Variants in MEI4 observed in about 807,000 individuals in gnomAD.
The protein encoded by MEI4 is meiotic double-stranded break formation protein 4, also known as meiosis-specific protein MEI4.
A neutral mutation model predicts 31.4 loss-of-function variants in MEI4; 27 were observed. The observed-to-expected ratio is 0.86, with a 90% CI of 0.63 to 1.19. The LOEUF (loss-of-function observed/expected upper bound fraction) is 1.19, where lower values mean the gene tolerates loss of function less well. Ranked by LOEUF, MEI4 falls within the 50% of genes most tolerant of loss-of-function variation. The probability of loss-of-function intolerance (pLI) is 0.00; values close to 1 mark genes in which losing one functional copy is unlikely to be tolerated. For missense variants in MEI4, 329 were observed against 398.9 expected, an observed-to-expected ratio of 0.82 and a Z score of 1.49; for synonymous variants, 122 against 145.4, an observed-to-expected ratio of 0.84 and a Z score of 1.16.
chr6:77,806,870 T>C (rs569526406), intron 3 of MEI4, among the ~76,000 whole-genome samples: 1 of 152,234 alleles, frequency 6.6e-6, no homozygotes, highest in East Asian at 1.9e-4. Context: ...TCTACACCCA[T>C]GTGTTTATGT....
intron 2 of MEI4, among the ~76,000 whole-genome samples, chr6:77,694,493 A>G (rs980620316): frequency 2.1e-5 from 3 of 144,838 alleles, no homozygotes; most frequent in African/African-American, 2.6e-5. Flanking sequence ...ATTCCCACCT[A>G]TGAGTGAGAA....
At chr6:77,773,899 G>A (rs1049860257) in intron 3 of MEI4, among the ~76,000 whole-genome samples, 4 of 151,902 alleles carry the variant, frequency 2.6e-5, no homozygotes, top group African/African-American at 9.7e-5. Context: ...ATGGCAAACA[G>A]GTATATGAAA....
intron 3 of MEI4, among the ~76,000 whole-genome samples, chr6:77,828,494 G>A (rs1770006844): frequency 6.6e-6 from 1 of 152,004 alleles, no homozygotes. Context: ...ATCTCAAAAT[G>A]ATCCACCCTG....
intron 2 of MEI4, among the ~76,000 whole-genome samples, chr6:77,702,403 C>A (rs1766246294): frequency 6.6e-6 from 1 of 152,180 alleles, no homozygotes; most frequent in South Asian, 2.1e-4. Context: ...TTGTCTAATA[C>A]AATAATGATG....
rs1766783170 is a variant in MEI4, at chr6:77,924,051, C to CAATT, written c.*708_*711dup. On this transcript the variant is annotated 3_prime_UTR_variant, in exon 5 of 5. Transcript: ENST00000684080. ...AGTCTTGTAATTGTTAAATAGTATACAATTAAGTCACTAGACATATTTTAT... is the reference window on the plus strand; with the variant it reads ...AGTCTTGTAATTGTTAAATAGTATACAATTAATTAAGTCACTAGACATATTTTAT... The CAATT allele has an allele frequency of 6.6e-6, 1 of 151,624 alleles. No individual in the cohort carries two copies. The highest frequency in any genetic ancestry group is 2.1e-4 in the South Asian group (1 of 4,810). 9.4% of individuals were successfully genotyped at this position (151,624 alleles called of 1,614,324 possible). A position where few individuals can be genotyped will look rare whatever the true frequency, so the allele number is the denominator to read the frequency against.
At chr6:77,822,664 G>C (rs1769855547) in intron 3 of MEI4, among the ~76,000 whole-genome samples, 1 of 140,654 alleles carries the variant, frequency 7.1e-6, no homozygotes, top group South Asian at 2.6e-4. Flanking sequence ...ATGTCACCCA[G>C]GCTAGAGTCC....
At position 77,901,629 on chromosome 6, in the gene MEI4, A is replaced by G. The variant is rs79264592; in HGVS notation, c.901-21460A>G. On this transcript the variant is annotated intron_variant, in intron 4 of 4. Coordinates refer to ENST00000684080, the MANE Select transcript of MEI4 (RefSeq NM_001322247.2). ...TTAATATTAGCCCTTTATCAGGTAT[A>G]TGATTTGAATATATATTCTCCCATT... 8.9e-3 allele frequency among the ~76,000 whole-genome samples: 1,349 copies of G among 152,142 alleles called. 25 individuals carry two copies. The highest frequency in any genetic ancestry group is 0.03 in the African/African-American group (1,263 of 41,544).
At chr6:77,807,423 A>T (rs889327121) in intron 3 of MEI4, among the ~76,000 whole-genome samples, 3 of 152,124 alleles carry the variant, frequency 2.0e-5, no homozygotes, top group Admixed American at 2.0e-4. Context: ...GGGAATTTTT[A>T]AACATTTACA....
At chr6:77,772,731 G>A (rs949052138) in intron 3 of MEI4, among the ~76,000 whole-genome samples, 2 of 151,934 alleles carry the variant, frequency 1.3e-5, no homozygotes, top group African/African-American at 4.8e-5. Context: ...GAGAAATAAA[G>A]TGCATTCAGA....
intron 3 of MEI4, among the ~76,000 whole-genome samples, chr6:77,813,961 T>G (rs995000058): frequency 1.1e-4 from 16 of 152,084 alleles, no homozygotes; most frequent in African/African-American, 3.6e-4. Context: ...GACAAGAGAA[T>G]CTCTTTCCTT....
intron 2 of MEI4, among the ~76,000 whole-genome samples, chr6:77,756,743 A>AT (rs1767929445): frequency 6.7e-6 from 1 of 148,916 alleles, no homozygotes. Context: ...TATCTATGTA[A>AT]TTGTTGTGGT....
intron 2 of MEI4, among the ~76,000 whole-genome samples, chr6:77,740,155 G>A (rs557392790): frequency 1.2e-4 from 18 of 152,210 alleles, no homozygotes; most frequent in Middle Eastern, 3.4e-3. Context: ...TTACACTGTC[G>A]TCTGAGAGAA....
At chr6:77,859,518 G>A (rs193247652) in intron 4 of MEI4, among the ~76,000 whole-genome samples, 38 of 152,096 alleles carry the variant, frequency 2.5e-4, no homozygotes, top group African/African-American at 8.9e-4. Context: ...CCACAGCCTT[G>A]CCAATATCTA....
At chr6:77,729,613 G>T (rs1766919180) in intron 2 of MEI4, among the ~76,000 whole-genome samples, 1 of 152,112 alleles carries the variant, frequency 6.6e-6, no homozygotes, top group South Asian at 2.1e-4. Flanking sequence ...GCAGGAGTTT[G>T]GGAAAAGAGC....
At chr6:77,723,204 A>G (rs1183403446) in intron 2 of MEI4, among the ~76,000 whole-genome samples, 33 of 142,180 alleles carry the variant, frequency 2.3e-4, no homozygotes, top group Non-Finnish European at 3.9e-4. Context: ...ATACCCCTGT[A>G]GGGATTTTTT....
At chr6:77,731,646 G>A (rs1392704048) in intron 2 of MEI4, among the ~76,000 whole-genome samples, 1 of 151,180 alleles carries the variant, frequency 6.6e-6, no homozygotes, top group East Asian at 2.0e-4. Context: ...GATCCCATTT[G>A]TCAATTTTGG....
At chr6:77,787,330 A>T (rs1362342492) in intron 3 of MEI4, among the ~76,000 whole-genome samples, 1 of 152,114 alleles carries the variant, frequency 6.6e-6, no homozygotes, top group East Asian at 1.9e-4. Flanking sequence ...GCTGACCTTC[A>T]GTTTATTTCC....
At chr6:77,887,504 C>T (rs535887740) in intron 4 of MEI4, among the ~76,000 whole-genome samples, 1 of 152,084 alleles carries the variant, frequency 6.6e-6, no homozygotes, top group Non-Finnish European at 1.5e-5. Flanking sequence ...ACCATGTTGG[C>T]CAGGCTGGTC....
At chr6:77,742,587 C>G (rs140430881) in intron 2 of MEI4, among the ~76,000 whole-genome samples, 1 of 152,024 alleles carries the variant, frequency 6.6e-6, no homozygotes, top group Non-Finnish European at 1.5e-5. Flanking sequence ...TTCACTCTGA[C>G]GTAGTTTCTT....
Sources: gnomAD v4.1 joint callset for allele counts (sites outside exome capture counted in the v4.1 genomes callset) on GRCh38, gnomAD v4.1.1 for gene constraint, MANE v1.5 for transcripts, NCBI Gene and HGNC (gene_info 2026-07-23, HGNC 2026-07-21) for gene names.